Variants in NCOA1 observed in about 807,000 individuals in gnomAD.
NCOA1 encodes the protein nuclear receptor coactivator 1.
NCOA1 carries 35 observed loss-of-function variants against 150.9 expected under a neutral mutation model. The observed-to-expected ratio is 0.23, with a 90% confidence interval of 0.18 to 0.31. The LOEUF (loss-of-function observed/expected upper bound fraction) is 0.31, where lower values mean the gene tolerates loss of function less well. NCOA1 is among the 10% of genes least tolerant of loss of function. The pLI, the probability that NCOA1 is intolerant of heterozygous loss-of-function variation, is 1.00. For missense variants in NCOA1, 1,491 were observed against 1,749.3 expected, an observed-to-expected ratio of 0.85 and a Z score of 2.63; for synonymous variants, 590 against 630.0, an observed-to-expected ratio of 0.94 and a Z score of 0.95.
intron 3 of NCOA1, among the ~76,000 whole-genome samples, chr2:24,607,261 A>G (rs1188665576): frequency 1.3e-5 from 2 of 150,984 alleles, no homozygotes; most frequent in African/African-American, 2.4e-5. Context: ...GATATCAGCT[A>G]TATCTTTAAT....
At chr2:24,721,815 ATC>A (rs1481302385) in intron 14 of NCOA1, among the ~76,000 whole-genome samples, 1 of 151,386 alleles carries the variant, frequency 6.6e-6, no homozygotes, top group Non-Finnish European at 1.5e-5. Flanking sequence ...TCTTTGGAAA[ATC>A]TCTTTCTCCT....
At chr2:24,612,481 G>C (rs1393857359) in intron 3 of NCOA1, among the ~76,000 whole-genome samples, 1 of 152,124 alleles carries the variant, frequency 6.6e-6, no homozygotes, top group Non-Finnish European at 1.5e-5. Context: ...CCTCAAATGT[G>C]TTTTCCAGGT....
intron 2 of NCOA1, among the ~76,000 whole-genome samples, chr2:24,584,080 A>C (rs763229334): frequency 6.6e-6 from 1 of 152,134 alleles, no homozygotes; most frequent in Non-Finnish European, 1.5e-5. Flanking sequence ...TGAATGTTTA[A>C]GGTGATTGAT....
At chr2:24,512,429 C>T (rs970069286) in intron 1 of NCOA1, among the ~76,000 whole-genome samples, 1 of 152,140 alleles carries the variant, frequency 6.6e-6, no homozygotes, top group Non-Finnish European at 1.5e-5. Flanking sequence ...TTATATCCAC[C>T]GGTGCAGTAG....
chr2:24,747,345 TTTTA>T (rs1663982504), intron 19 of NCOA1, among the ~76,000 whole-genome samples: 1 of 149,124 alleles, frequency 6.7e-6, no homozygotes, highest in African/African-American at 2.5e-5. Flanking sequence ...TTTTTTTTTT[TTTTA>T]ATCTTTTGAG....
chr2:24,674,501 C>T (rs979397979), intron 7 of NCOA1, among the ~76,000 whole-genome samples: 18 of 152,092 alleles, frequency 1.2e-4, no homozygotes, highest in African/African-American at 3.6e-4. Flanking sequence ...CCACTGCGCC[C>T]GGCCTATTTC....
intron 21 of NCOA1, among the ~76,000 whole-genome samples, chr2:24,761,758 G>C (rs903203873): frequency 3.3e-5 from 5 of 151,468 alleles, no homozygotes; most frequent in Non-Finnish European, 7.4e-5. Context: ...TTGGAAGTTT[G>C]ATCCTTGCTT....
At chr2:24,709,488 T>C (rs182405926) in intron 13 of NCOA1, among the ~76,000 whole-genome samples, 2 of 152,362 alleles carry the variant, frequency 1.3e-5, no homozygotes, top group African/African-American at 4.8e-5. Flanking sequence ...TAGTCTAGTC[T>C]CGTGACCATT....
chr2:24,581,390 G>A (rs539770127), intron 2 of NCOA1, among the ~76,000 whole-genome samples: 4 of 152,330 alleles, frequency 2.6e-5, no homozygotes, highest in South Asian at 2.1e-4. Context: ...TATTACAGCC[G>A]GAGGAGAGCA....
chr2:24,639,051 C>T (rs994465362), intron 3 of NCOA1, among the ~76,000 whole-genome samples: 7 of 151,718 alleles, frequency 4.6e-5, no homozygotes, highest in South Asian at 2.1e-4. Flanking sequence ...TTTTCTTTTC[C>T]GTTAATATCT....
intron 19 of NCOA1, among the ~76,000 whole-genome samples, chr2:24,744,151 T>C (rs1663762090): frequency 1.3e-5 from 2 of 152,236 alleles, no homozygotes; most frequent in African/African-American, 4.8e-5. Flanking sequence ...GAGCTTCCTC[T>C]TTCCCCGTAC....
At chr2:24,496,992 G>A (rs956713900) in intron 1 of NCOA1, among the ~76,000 whole-genome samples, 4 of 152,090 alleles carry the variant, frequency 2.6e-5, no homozygotes, top group Non-Finnish European at 5.9e-5. Context: ...GTAGAAAAAC[G>A]TCTGCTTTTC....
At chr2:24,735,931 G>A (rs1356664244) in intron 17 of NCOA1, among the ~76,000 whole-genome samples, 1 of 152,196 alleles carries the variant, frequency 6.6e-6, no homozygotes, top group Non-Finnish European at 1.5e-5. Flanking sequence ...TTTAGAAAAT[G>A]GTATCATAGG....
At chr2:24,626,777 AT>A (rs1669430529) in intron 3 of NCOA1, among the ~76,000 whole-genome samples, 2 of 152,154 alleles carry the variant, frequency 1.3e-5, no homozygotes, top group African/African-American at 4.8e-5. Flanking sequence ...TGGGATTAAG[AT>A]TTTATATGTG....
chr2:24,593,264 G>C (rs1289097489), intron 3 of NCOA1, among the ~76,000 whole-genome samples: 1 of 152,092 alleles, frequency 6.6e-6, no homozygotes, highest in Non-Finnish European at 1.5e-5. Flanking sequence ...AGAAAAGCTT[G>C]CCAACCCTCA....
chr2:24,648,883 A>G (rs1020665897), intron 4 of NCOA1, among the ~76,000 whole-genome samples: 28 of 152,152 alleles, frequency 1.8e-4, no homozygotes, highest in African/African-American at 6.7e-4. Context: ...CTGGGACTGA[A>G]TTCTTTATTT....
In NCOA1 at chr2:24,528,240, A is replaced by G. The variant is rs528528084; in HGVS notation, c.-395-36055A>G. Among the ~76,000 whole-genome samples, 4 of 152,102 alleles carry G rather than the reference A, an allele frequency of 2.6e-5. No homozygotes were observed. In the East Asian group the frequency reaches 5.8e-4, roughly 22 times the overall value. On this transcript the variant is annotated intron_variant, in intron 1 of 22. Transcript: ENST00000348332. Reference sequence around the variant, plus strand: ...GTGTTAAGAAATCATTGCCAAGGCCACTGTCAAGAAACTTTCCCTTGTGTT... The same window carrying G: ...GTGTTAAGAAATCATTGCCAAGGCCGCTGTCAAGAAACTTTCCCTTGTGTT...
At chr2:24,615,129 A>C (rs937186250) in intron 3 of NCOA1, among the ~76,000 whole-genome samples, 2 of 152,250 alleles carry the variant, frequency 1.3e-5, no homozygotes, top group African/African-American at 4.8e-5. Context: ...TCACAGAGTT[A>C]ATTTTATTGA....
intron 7 of NCOA1, among the ~76,000 whole-genome samples, chr2:24,675,563 A>C (rs1340381114): frequency 6.6e-6 from 1 of 152,168 alleles, no homozygotes; most frequent in Non-Finnish European, 1.5e-5. Flanking sequence ...AGTATTCTTT[A>C]CTAGGGGAAA....
Sources: gnomAD v4.1 joint callset for allele counts (sites outside exome capture counted in the v4.1 genomes callset) on GRCh38, gnomAD v4.1.1 for gene constraint, MANE v1.5 for transcripts, NCBI Gene and HGNC (gene_info 2026-07-23, HGNC 2026-07-21) for gene names.